Variants in CFAP47 observed in about 807,000 individuals in gnomAD.
CFAP47 encodes cilia and flagella associated protein 47.
In CFAP47, 29 loss-of-function variants were observed where a neutral mutation model predicts 148.1. The observed-to-expected ratio is 0.20, with a 90% CI of 0.15 to 0.27. The LOEUF is 0.27. CFAP47 is among the 10% of genes least tolerant of loss of function. The pLI, the probability that CFAP47 is intolerant of heterozygous loss-of-function variation, is 1.00. For synonymous variants in CFAP47, 664 were observed against 577.3 expected (o/e 1.15, Z -2.15); for missense variants, 1,872 against 1,697.5 (o/e 1.10, Z -1.81).
intron 51 of CFAP47, among the ~76,000 whole-genome samples, chrX:36,289,986 T>C (rs1394795722): frequency 3.6e-5 from 4 of 110,457 alleles, no homozygotes; most frequent in African/African-American, 9.9e-5. Flanking sequence ...GTGCCTTTAT[T>C]CTCTCTTTCT....
At chrX:36,359,207 A>T (rs1374205733) in intron 60 of CFAP47, among the ~76,000 whole-genome samples, 2 of 112,128 alleles carry the variant, frequency 1.8e-5, no homozygotes, top group Non-Finnish European at 3.8e-5. Context: ...CTTATTCATG[A>T]ATTTAGCCAT....
intron 57 of CFAP47, among the ~76,000 whole-genome samples, chrX:36,338,557 T>C (rs1941627468): frequency 8.9e-6 from 1 of 111,978 alleles, no homozygotes; most frequent in Non-Finnish European, 1.9e-5. Flanking sequence ...TGGAAACAGT[T>C]GATCCCCAGG....
rs977878576 is a variant in CFAP47 at position 36,163,710 on chromosome X, A to G, written c.6026+2941A>G. Among the ~76,000 whole-genome samples, 3 of 110,900 alleles carry G rather than the reference A, an allele frequency of 2.7e-5. No individual in the cohort carries two copies. The Admixed American group carries it at 2.9e-4, about 11-fold the overall frequency. ...CTGCAACGTCTGCCTCCCGGTTTCAAGTGATTCTCTTGCCTCAGCCTCCTG... is the reference window on the plus strand; with the variant it reads ...CTGCAACGTCTGCCTCCCGGTTTCAGGTGATTCTCTTGCCTCAGCCTCCTG... On this transcript the variant is annotated intron_variant, in intron 39 of 63. Coordinates refer to ENST00000378653, the MANE Select transcript of CFAP47 (RefSeq NM_001304548.2).
chrX:35,944,699 TA>T (rs1392381057), intron 3 of CFAP47, among the ~76,000 whole-genome samples: 1 of 112,072 alleles, frequency 8.9e-6, no homozygotes, highest in Non-Finnish European at 1.9e-5. Flanking sequence ...TAGCAGTTCC[TA>T]AAAATTTTTT....
intron 34 of CFAP47, 132 bp from the exon 35 acceptor site, chrX:36,138,216 C>A: frequency 1.4e-6 from 1 of 722,696 alleles, no homozygotes; most frequent in Non-Finnish European, 1.9e-6. Flanking sequence ...TTTATTCTTG[C>A]ATTTTGATTG....
At chrX:36,371,700 A>G (rs868971791) in intron 62 of CFAP47, among the ~76,000 whole-genome samples, 3 of 54,457 alleles carry the variant, frequency 5.5e-5, no homozygotes, top group African/African-American at 3.2e-4. Context: ...ATATACACAC[A>G]TGTGTATATA....
intron 34 of CFAP47, 85 bp from the exon 35 acceptor site, chrX:36,138,263 G>T: frequency 4.4e-6 from 4 of 900,635 alleles, no homozygotes; most frequent in Non-Finnish European, 5.8e-6. Context: ...ATATTTAAAT[G>T]ATTCTTTGCC....
At chrX:35,993,647 T>C (rs1936812549) in intron 18 of CFAP47, among the ~76,000 whole-genome samples, 1 of 111,493 alleles carries the variant, frequency 9.0e-6, no homozygotes, top group African/African-American at 3.3e-5. Context: ...CAGAAAATAT[T>C]TTTGATGAAG....
intron 15 of CFAP47, among the ~76,000 whole-genome samples, chrX:35,983,591 T>C (rs1184365471): frequency 5.4e-5 from 6 of 111,935 alleles, no homozygotes; most frequent in Admixed American, 2.9e-4. Context: ...GGGTTTATCA[T>C]AGATGGCTCT....
chrX:36,320,640 A>G (rs1314563285), intron 57 of CFAP47, among the ~76,000 whole-genome samples: 1 of 112,413 alleles, frequency 8.9e-6, no homozygotes, highest in African/African-American at 3.2e-5. Flanking sequence ...TTCACAAAAG[A>G]TAAAGTACAA....
At chrX:36,307,882 T>C (rs1941363643) in intron 55 of CFAP47, among the ~76,000 whole-genome samples, 1 of 111,810 alleles carries the variant, frequency 8.9e-6, no homozygotes, top group Admixed American at 9.5e-5. Context: ...ACAAATGCTA[T>C]AGAAATATGC....
At chrX:36,008,004 G>A (rs1051051699) in intron 21 of CFAP47, among the ~76,000 whole-genome samples, 4 of 111,308 alleles carry the variant, frequency 3.6e-5, no homozygotes, top group African/African-American at 1.3e-4. Flanking sequence ...TTAAAATAGA[G>A]CCCTCAGTCT....
At chrX:36,114,260 T>C in intron 33 of CFAP47, among the ~76,000 whole-genome samples, 1 of 111,969 alleles carries the variant, frequency 8.9e-6, no homozygotes, top group Non-Finnish European at 1.9e-5. Flanking sequence ...ATTACTTTAT[T>C]ATGAGTCCTA....
At chrX:36,345,428 A>G (rs1556016397) in intron 57 of CFAP47, among the ~76,000 whole-genome samples, 1 of 111,026 alleles carries the variant, frequency 9.0e-6, no homozygotes, top group African/African-American at 3.3e-5. Flanking sequence ...TCACATGTGC[A>G]GTTCACAACA....
intron 22 of CFAP47, among the ~76,000 whole-genome samples, chrX:36,029,948 A>G (rs187604809): frequency 9.1e-6 from 1 of 110,081 alleles, no homozygotes; most frequent in East Asian, 2.8e-4. Flanking sequence ...AATACCTTTT[A>G]TTTCTAATTA....
At chrX:36,177,406 T>G (rs1480491161) in intron 39 of CFAP47, among the ~76,000 whole-genome samples, 1 of 112,210 alleles carries the variant, frequency 8.9e-6, no homozygotes, top group Admixed American at 9.5e-5. Context: ...ACCTTGGATT[T>G]ATAGAAATAT....
intron 33 of CFAP47, among the ~76,000 whole-genome samples, chrX:36,114,726 G>A (rs746293096): frequency 1.3e-3 from 141 of 111,452 alleles, no homozygotes; most frequent in Non-Finnish European, 2.2e-3. Context: ...ACTGCACTGG[G>A]TGGGGGTGGA....
chrX:35,993,030 A>G (rs1382378445), intron 17 of CFAP47, among the ~76,000 whole-genome samples, 160 bp from the exon 18 acceptor site: 2 of 111,774 alleles, frequency 1.8e-5, no homozygotes, highest in Admixed American at 1.9e-4. Flanking sequence ...AGTCCAAACT[A>G]TTTGTACCTT....
At chrX:36,250,887 G>T (rs910007946) in intron 48 of CFAP47, among the ~76,000 whole-genome samples, 3 of 110,716 alleles carry the variant, frequency 2.7e-5, no homozygotes, top group African/African-American at 9.8e-5. Flanking sequence ...TGAAAGTTGG[G>T]TTTAGCCAGG....
Sources: allele counts gnomAD v4.1 joint callset (sites outside exome capture counted in the v4.1 genomes callset), GRCh38; gene constraint gnomAD v4.1.1; transcripts MANE v1.5; gene names NCBI Gene and HGNC (gene_info 2026-07-23, HGNC 2026-07-21).